YAE1: variants seen among roughly 807,000 people sequenced by gnomAD.
YAE1 encodes protein YAE1 homolog.
Under a neutral mutation model 23.0 loss-of-function variants are expected in YAE1, and 22 were observed. The ratio of observed to expected loss-of-function variants is 0.96; its 90% confidence interval spans 0.68 to 1.37. The LOEUF (loss-of-function observed/expected upper bound fraction) is 1.37. Among genes scored for constraint, YAE1 ranks in the 40% most tolerant of loss-of-function variants. The probability of loss-of-function intolerance (pLI) is 0.00; values close to 1 mark genes in which losing one functional copy is unlikely to be tolerated. For synonymous variants in YAE1, 101 were observed against 97.0 expected (o/e 1.04, Z -0.24); for missense variants, 260 against 262.1 (o/e 0.99, Z 0.06).
At chr7:39,566,768 C>CT (rs748275487) in intron 1 of YAE1, 5 of 553,668 alleles carry the variant, frequency 9.0e-6, no homozygotes, top group Non-Finnish European at 9.0e-6. Flanking sequence ...GCGTTAGAAA[C>CT]TGAGGACCGA....
intron 2 of YAE1, among the ~76,000 whole-genome samples, chr7:39,578,306 C>T (rs1356278108): frequency 3.9e-5 from 6 of 152,190 alleles, no homozygotes; most frequent in Admixed American, 3.9e-4. Flanking sequence ...GTAAAACAGA[C>T]CGATCAGCTC....
intron 2 of YAE1, among the ~76,000 whole-genome samples, chr7:39,583,897 T>C (rs1327635347): frequency 6.6e-6 from 1 of 152,244 alleles, no homozygotes; most frequent in Non-Finnish European, 1.5e-5. Flanking sequence ...TCTGCATATA[T>C]GGAGCACTTA....
downstream of YAE1, among the ~76,000 whole-genome samples, chr7:39,573,305 A>G (rs1208904100): frequency 6.6e-6 from 1 of 152,198 alleles, no homozygotes; most frequent in Non-Finnish European, 1.5e-5. Flanking sequence ...TAGAAAATAT[A>G]TTTTATGCTA....
At chr7:39,606,583 G>A (rs1040372185) in intron 2 of YAE1, among the ~76,000 whole-genome samples, 1 of 152,228 alleles carries the variant, frequency 6.6e-6, no homozygotes. Context: ...GGAACCGGGT[G>A]AATGGTGGTA....
intron 2 of YAE1, 51 bp downstream of exon 2, chr7:39,570,678 A>T: frequency 6.5e-7 from 1 of 1,543,434 alleles, no homozygotes; most frequent in Non-Finnish European, 8.7e-7. Flanking sequence ...ATACTACTGG[A>T]GGATGTTTCT....
chr7:39,581,371 AT>A (rs1046825240), intron 2 of YAE1, among the ~76,000 whole-genome samples: 1 of 152,228 alleles, frequency 6.6e-6, no homozygotes, highest in Admixed American at 6.5e-5. Flanking sequence ...AATATGAGAG[AT>A]TTGACAATAG....
intron 2 of YAE1, among the ~76,000 whole-genome samples, chr7:39,592,285 T>A (rs1041843540): frequency 2.6e-5 from 4 of 151,342 alleles, no homozygotes; most frequent in African/African-American, 9.9e-5. Flanking sequence ...CTCTACCATT[T>A]TGCATTCTTA....
intron 2 of YAE1, chr7:39,609,521 A>G (rs1791175572): frequency 2.1e-6 from 3 of 1,448,536 alleles, no homozygotes; most frequent in Non-Finnish European, 2.8e-6. Context: ...GTTTATCAGA[A>G]AATGATGATG....
At chr7:39,607,239 C>T (rs529654219) in intron 2 of YAE1, among the ~76,000 whole-genome samples, 3 of 152,118 alleles carry the variant, frequency 2.0e-5, no homozygotes, top group South Asian at 2.1e-4. Context: ...CCAGTGTTGT[C>T]TATGTCCTAC....
At chr7:39,599,704 G>GT (rs1306646164) in intron 2 of YAE1, among the ~76,000 whole-genome samples, 1 of 151,456 alleles carries the variant, frequency 6.6e-6, no homozygotes, top group Non-Finnish European at 1.5e-5. Flanking sequence ...ATTTTTTATT[G>GT]TTTTTATTTA....
At chr7:39,583,846 C>A (rs141443311) in intron 2 of YAE1, among the ~76,000 whole-genome samples, 55 of 152,324 alleles carry the variant, frequency 3.6e-4, no homozygotes, top group African/African-American at 1.3e-3. Context: ...GTGCCTGTTT[C>A]TTCATCTGTC....
chr7:39,601,514 C>T (rs1410496133), intron 2 of YAE1, among the ~76,000 whole-genome samples: 1 of 152,128 alleles, frequency 6.6e-6, no homozygotes, highest in Admixed American at 6.6e-5. Context: ...AATCCCAGCA[C>T]TTTGGGAGGC....
chr7:39,586,366 GTT>G (rs899299575), intron 2 of YAE1, among the ~76,000 whole-genome samples: 1 of 150,350 alleles, frequency 6.7e-6, no homozygotes, highest in African/African-American at 2.4e-5. Flanking sequence ...TAGAGACGGG[GTT>G]TCACCGTGTT....
Position 39,570,564 on chromosome 7 carries a change from A to G in YAE1, c.188A>G (p.Asn63Ser). Residue 63 changes from asparagine (N) to serine (S), a missense_variant, in exon 2 of 3, where the codon AAT (asparagine) becomes AGT (serine). Physicochemically the swap from Asn to Ser is conservative, Grantham distance 46 (BLOSUM62 1). Transcript: ENST00000223273. ...GKAVTLQQGFNQGYKKGAEVI... is the reference protein window; with the variant it reads ...GKAVTLQQGFSQGYKKGAEVI... ...GCAGTTACTCTTCAACAGGGCTTCA[A>G]TCAAGGTTATAAGAAAGGTGCAGAA... is the stretch of plus-strand genomic sequence containing the variant. The G allele has an allele frequency of 6.2e-7, 1 of 1,611,550 alleles. No homozygotes were observed. Among genetic ancestry groups the G allele is most frequent in the Non-Finnish European group, 8.5e-7 (1 of 1,179,594 alleles).
chr7:39,576,503 A>G (rs1454446073), downstream of YAE1, among the ~76,000 whole-genome samples: 1 of 152,174 alleles, frequency 6.6e-6, no homozygotes, highest in African/African-American at 2.4e-5. Flanking sequence ...GCATTACTAC[A>G]ATGCTTTATG....
At chr7:39,606,046 A>AC (rs2115852814) in intron 2 of YAE1, among the ~76,000 whole-genome samples, 1 of 146,656 alleles carries the variant, frequency 6.8e-6, no homozygotes, top group East Asian at 2.0e-4. Context: ...ATGGTAAACA[A>AC]TTTTTTTTTT....
chr7:39,574,675 G>A (rs1790626076), downstream of YAE1, among the ~76,000 whole-genome samples: 1 of 149,526 alleles, frequency 6.7e-6, no homozygotes, highest in South Asian at 2.2e-4. Flanking sequence ...GGAGGTTGCA[G>A]TGAGCCAAGA....
intron 2 of YAE1, among the ~76,000 whole-genome samples, chr7:39,578,515 T>A (rs1406702976): frequency 1.3e-5 from 2 of 152,204 alleles, no homozygotes; most frequent in Admixed American, 1.3e-4. Context: ...TAACACTCAC[T>A]GCAACGGGCT....
intron 2 of YAE1, among the ~76,000 whole-genome samples, chr7:39,602,689 G>A (rs1224370465): frequency 6.6e-6 from 1 of 152,204 alleles, no homozygotes; most frequent in Non-Finnish European, 1.5e-5. Context: ...GAGGCAGGTA[G>A]AAGAAGAAGA....
Sources: allele counts gnomAD v4.1 joint callset (sites outside exome capture counted in the v4.1 genomes callset), GRCh38; gene constraint gnomAD v4.1.1; transcripts MANE v1.5; gene names NCBI Gene and HGNC (gene_info 2026-07-23, HGNC 2026-07-21).